Variants in TMEM229B observed in about 807,000 individuals in gnomAD.
TMEM229B encodes transmembrane protein 229B.
A neutral mutation model predicts 13.7 loss-of-function variants in TMEM229B; 6 were observed. That is an observed-to-expected ratio of 0.44 (90% CI 0.24 to 0.86). The LOEUF (loss-of-function observed/expected upper bound fraction) is 0.86. Ranked by LOEUF, TMEM229B falls within the 40% of genes least tolerant of loss-of-function variation. The probability of loss-of-function intolerance (pLI) is 0.23; values close to 1 mark genes in which losing one functional copy is unlikely to be tolerated. For synonymous variants in TMEM229B, 107 were observed against 102.1 expected, an observed-to-expected ratio of 1.05 and a Z score of -0.29; for missense variants, 170 against 236.0, an observed-to-expected ratio of 0.72 and a Z score of 1.83.
chr14:67,531,871 C>T (rs1594726877), intron 1 of TMEM229B, among the ~76,000 whole-genome samples: 1 of 125,340 alleles, frequency 8.0e-6, no homozygotes, highest in Non-Finnish European at 1.6e-5. Context: ...TGTGCCACTG[C>T]AATCCAGCCT....
chr14:67,475,728 T>G (rs995766651), intron 2 of TMEM229B, among the ~76,000 whole-genome samples: 1 of 152,168 alleles, frequency 6.6e-6, no homozygotes, highest in Non-Finnish European at 1.5e-5. Context: ...TTCTGGCTCC[T>G]TTCCCCTCCC....
intron 2 of TMEM229B, among the ~76,000 whole-genome samples, chr14:67,478,016 G>C (rs1265281022): frequency 6.6e-6 from 1 of 152,198 alleles, no homozygotes; most frequent in Non-Finnish European, 1.5e-5. Context: ...GCATTCAAGA[G>C]AAGAATAAAG....
intron 1 of TMEM229B, among the ~76,000 whole-genome samples, chr14:67,503,029 A>T (rs1385395368): frequency 2.6e-5 from 4 of 152,274 alleles, no homozygotes; most frequent in African/African-American, 7.2e-5. Flanking sequence ...TGTTCAGGGA[A>T]GTTGAGAGCC....
At chr14:67,485,824 G>T (rs750450375) in intron 2 of TMEM229B, among the ~76,000 whole-genome samples, 1 of 152,214 alleles carries the variant, frequency 6.6e-6, no homozygotes, top group African/African-American at 2.4e-5. Context: ...AGCTTGTCTC[G>T]CTGAGGAGGA....
At chr14:67,481,238 G>T (rs764724533) in intron 2 of TMEM229B, among the ~76,000 whole-genome samples, 1 of 152,192 alleles carries the variant, frequency 6.6e-6, no homozygotes, top group Non-Finnish European at 1.5e-5. Flanking sequence ...AGCTATGATT[G>T]TGCCACTGCA....
chr14:67,527,134 G>A (rs17104400), intron 1 of TMEM229B, among the ~76,000 whole-genome samples: 13,458 of 152,222 alleles, frequency 0.088, 751 homozygotes, highest in African/African-American at 0.16. Flanking sequence ...CCCCGCAAGG[G>A]AACCCACACA....
intron 1 of TMEM229B, among the ~76,000 whole-genome samples, chr14:67,495,619 A>T (rs2032336151): frequency 6.6e-6 from 1 of 151,978 alleles, no homozygotes; most frequent in Non-Finnish European, 1.5e-5. Context: ...AGTAGCTGGG[A>T]TTACAGGTGC....
intron 1 of TMEM229B, among the ~76,000 whole-genome samples, chr14:67,531,164 C>T (rs72721022): frequency 4.2e-4 from 64 of 152,206 alleles, no homozygotes; most frequent in Non-Finnish European, 8.5e-4. Context: ...TATTATAGTC[C>T]CAGCTACCTG....
At chr14:67,495,126 G>A (rs574111587) in intron 1 of TMEM229B, among the ~76,000 whole-genome samples, 1 of 152,102 alleles carries the variant, frequency 6.6e-6, no homozygotes, top group Non-Finnish European at 1.5e-5. Flanking sequence ...AGGACAGGGG[G>A]TGGGGCCCAG....
intron 1 of TMEM229B, among the ~76,000 whole-genome samples, chr14:67,502,508 A>C (rs1277970092): frequency 1.4e-5 from 2 of 141,938 alleles, no homozygotes; most frequent in Non-Finnish European, 3.0e-5. Flanking sequence ...GCTAGAGTGC[A>C]ATGGCATGAT....
At chr14:67,489,947 G>A (rs577986890), upstream of TMEM229B, among the ~76,000 whole-genome samples, 5 of 151,186 alleles carry the variant, frequency 3.3e-5, no homozygotes, top group South Asian at 4.2e-4. Flanking sequence ...CTGAGACCAC[G>A]CCACTGCACT....
At chr14:67,510,390 G>A (rs1594714439) in intron 1 of TMEM229B, among the ~76,000 whole-genome samples, 1 of 152,074 alleles carries the variant, frequency 6.6e-6, no homozygotes, top group Non-Finnish European at 1.5e-5. Flanking sequence ...ACACACAGAC[G>A]AATCATTGCC....
At chr14:67,505,003 T>C (rs957245874) in intron 1 of TMEM229B, among the ~76,000 whole-genome samples, 2 of 152,166 alleles carry the variant, frequency 1.3e-5, no homozygotes, top group Non-Finnish European at 2.9e-5. Flanking sequence ...TTTTTTAAAG[T>C]TTTAAAACAT....
At chr14:67,506,733 C>A (rs1040694865) in intron 1 of TMEM229B, among the ~76,000 whole-genome samples, 1 of 152,164 alleles carries the variant, frequency 6.6e-6, no homozygotes, top group South Asian at 2.1e-4. Flanking sequence ...TGCCTGTAAT[C>A]CCAACACTTT....
upstream of TMEM229B, chr14:67,515,584 G>A (rs990113589): frequency 6.5e-6 from 1 of 152,884 alleles, no homozygotes; most frequent in Non-Finnish European, 1.5e-5. Context: ...CGCAGCCCGG[G>A]GTCGGCCCCG....
intron 1 of TMEM229B, among the ~76,000 whole-genome samples, chr14:67,514,558 G>C (rs2033135958): frequency 6.6e-6 from 1 of 152,020 alleles, no homozygotes; most frequent in African/African-American, 2.4e-5. Context: ...GAAGGCGGCG[G>C]GGTCATTTTG....
chr14:67,528,774 G>A (rs1338761659), intron 1 of TMEM229B, among the ~76,000 whole-genome samples: 4 of 152,074 alleles, frequency 2.6e-5, no homozygotes, highest in Non-Finnish European at 5.9e-5. Context: ...CATCAGTTCC[G>A]CCCTGGCAGT....
intron 1 of TMEM229B, among the ~76,000 whole-genome samples, chr14:67,512,219 T>C (rs149319524): frequency 3.1e-4 from 47 of 152,340 alleles, no homozygotes; most frequent in African/African-American, 1.1e-3. Flanking sequence ...GGGACTCAGT[T>C]TCCCTAAGGG....
At chr14:67,489,981 C>A (rs2032096730), upstream of TMEM229B, among the ~76,000 whole-genome samples, 1 of 133,456 alleles carries the variant, frequency 7.5e-6, no homozygotes, top group Admixed American at 7.5e-5. Flanking sequence ...CAGAGCGAGA[C>A]TCCGTCTCAA....
Sources: gnomAD v4.1 joint callset for allele counts (sites outside exome capture counted in the v4.1 genomes callset) on GRCh38, gnomAD v4.1.1 for gene constraint, MANE v1.5 for transcripts, NCBI Gene and HGNC (gene_info 2026-07-23, HGNC 2026-07-21) for gene names.